PORCN: variants seen among roughly 807,000 people sequenced by gnomAD.
PORCN encodes the protein protein-serine O-palmitoleoyltransferase porcupine.
Under a neutral mutation model 43.0 loss-of-function variants are expected in PORCN, and 1 was observed. The ratio of observed to expected loss-of-function variants is 0.02; its 90% CI spans 0.01 to 0.11. The LOEUF (loss-of-function observed/expected upper bound fraction) is 0.11. PORCN is among the 10% of genes least tolerant of loss of function. The pLI is 1.00. For synonymous variants in PORCN, 148 were observed against 166.4 expected (o/e 0.89, Z 0.85); for missense variants, 240 against 392.1 (o/e 0.61, Z 3.28).
At position 48,509,919 on chromosome X, in the gene PORCN, T is replaced by G. The variant is rs150294661; in HGVS notation, c.99T>G (p.Leu33=). The G allele has an allele frequency of 3.8e-5, 46 of 1,209,944 alleles. No homozygotes were observed. The African/African-American group carries it at 7.9e-4, about 21-fold the overall frequency. The part of the protein sequence containing the change: ...QQGLDQIWLL[L]AICLACRLLW... Reference sequence around the variant, plus strand: ...GCCTTGACCAGATCTGGCTGCTCCTTGCCATCTGCCTCGCCTGCCGCCTCC... The same window carrying G: ...GCCTTGACCAGATCTGGCTGCTCCTGGCCATCTGCCTCGCCTGCCGCCTCC... The change falls in exon 2 of 15, where the codon CTT becomes CTG. Residue 33 remains leucine, a synonymous_variant. Transcript: ENST00000326194.
At position 48,520,416 on chromosome X, in the gene PORCN, C is replaced by T; in HGVS notation, c.1326C>T (p.Leu442=). The change falls in exon 15 of 15, where the codon CTC becomes CTT. Residue 442 remains leucine (L), a synonymous_variant. Coordinates refer to ENST00000326194, the MANE Select transcript of PORCN (RefSeq NM_203475.3). ...ACACTGTCCACAAGTGGTCAGAGCT[C>T]AGCTGGGCCAGTCACTGGGTCACTT... ...MAYTVHKWSE[L]SWASHWVTFG... is the part of the protein sequence containing the mutation. 1.7e-6 allele frequency: 2 copies of T among 1,210,583 alleles called. No individual in the cohort carries two copies. The highest frequency in any genetic ancestry group is 1.8e-5 in the South Asian group (1 of 56,954).
chrX:48,518,526 A>T (rs1254843045), intron 14 of PORCN, among the ~76,000 whole-genome samples: 2 of 111,698 alleles, frequency 1.8e-5, no homozygotes, highest in Non-Finnish European at 3.8e-5. Context: ...CGGCCAAAAA[A>T]ATATATATTT....
At chrX:48,510,779 A>G (rs369520620) in intron 2 of PORCN, among the ~76,000 whole-genome samples, 5 of 110,146 alleles carry the variant, frequency 4.5e-5, no homozygotes, top group African/African-American at 9.9e-5. Flanking sequence ...CTATCCATCT[A>G]TCTATCTATC....
chrX:48,510,779 A>T (rs369520620), intron 2 of PORCN, among the ~76,000 whole-genome samples: 2 of 110,098 alleles, frequency 1.8e-5, no homozygotes, highest in African/African-American at 6.6e-5. Context: ...CTATCCATCT[A>T]TCTATCTATC....
intron 14 of PORCN, among the ~76,000 whole-genome samples, chrX:48,519,146 G>A (rs1306464412): frequency 1.8e-5 from 2 of 110,852 alleles, no homozygotes; most frequent in Non-Finnish European, 3.8e-5. Flanking sequence ...ATGGTGAGAC[G>A]GGGTTTCACC....
intron 10 of PORCN, chrX:48,515,329 C>T (rs948516014): frequency 7.3e-6 from 2 of 274,022 alleles, no homozygotes; most frequent in Non-Finnish European, 1.3e-5. Flanking sequence ...GTGAGGAGGC[C>T]GCTGCCATCA....
At chrX:48,515,441 G>T (rs2061708644) in intron 10 of PORCN, 1 of 416,909 alleles carries the variant, frequency 2.4e-6, no homozygotes, top group Non-Finnish European at 4.2e-6. Context: ...GAATTTGGAT[G>T]TGGGAGTTTG....
At chrX:48,517,916 ATTT>A (rs35209138) in intron 14 of PORCN, among the ~76,000 whole-genome samples, 1 of 100,365 alleles carries the variant, frequency 1.0e-5, no homozygotes. Context: ...AGACTTCTTA[ATTT>A]TTTTTTTTTT....
rs138737401 is a variant in PORCN, at chrX:48,512,633, C to T, written c.600C>T (p.Ala200=). 4.1e-6 allele frequency: 5 copies of T among 1,209,212 alleles called. No individual in the cohort carries two copies. Among genetic ancestry groups the T allele is most frequent in the Admixed American group, 2.2e-5 (1 of 45,759 alleles). The change falls in exon 6 of 15, where the codon GCC becomes GCT. Residue 200 remains alanine (A), a synonymous_variant. Coordinates refer to ENST00000326194, the MANE Select transcript of PORCN (RefSeq NM_203475.3). ...LQKVARSLAL[A]LLCLVLSTCV... ...AGGTGGCCCGGAGCCTGGCACTGGC[C>T]CTGCTGTGCCTTGTGCTGTCCACTT...
intron 2 of PORCN, 82 bp from the exon 3 acceptor site, chrX:48,511,205 TCTCCCTCC>T (rs1205355480): frequency 8.9e-6 from 5 of 558,710 alleles, no homozygotes; most frequent in Non-Finnish European, 1.5e-5. Context: ...TCCCTCTCTC[TCTCCCTCC>T]CTCCCTCCCT....
At position 48,516,074 on chromosome X, in the gene PORCN, C is replaced by T; in HGVS notation, c.1101C>T (p.Arg367=). The part of the protein sequence containing the change: ...ITYVEHVLRK[R]LARILSACVL... ...CCACCACCCTAGTCCTCCGGAAGCG[C>T]CTGGCTCGGATCCTCAGTGCCTGTG... Residue 367 remains arginine (R), a synonymous_variant, in exon 13 of 15, where the codon CGC becomes CGT. Coordinates refer to ENST00000326194, the MANE Select transcript of PORCN (RefSeq NM_203475.3). 3.3e-6 allele frequency: 4 copies of T among 1,211,817 alleles called. No individual in the cohort carries two copies. Among genetic ancestry groups the T allele is most frequent in the Non-Finnish European group, 4.5e-6 (4 of 895,456 alleles).
rs3810677 is a variant in PORCN, at chrX:48,509,314, G to A, written c.-38+211G>A. ...CTCGCCGGGTGGGGATGAGATGGGG[G>A]GCGCGGAGGATACAGGACACCCCCC... On this transcript the variant is annotated intron_variant, in intron 1 of 14. Coordinates refer to ENST00000326194, the MANE Select transcript of PORCN (RefSeq NM_203475.3). 14 of 246,384 alleles carry A rather than the reference G, an allele frequency of 5.7e-5. No individual in the cohort carries two copies. The East Asian group carries it at 1.4e-3, about 25-fold the overall frequency. 20.3% of individuals were successfully genotyped at this position (246,384 alleles called of 1,213,427 possible).
Position 48,512,483 on chromosome X carries a change from A to G in PORCN, c.531A>G (p.Leu177=). The part of the protein sequence containing the change: ...FGPWISFHSY[L]QAVQGRPLSC... The stretch of plus-strand genomic sequence containing the variant: ...CCTGGATATCCTTCCACAGCTACCT[A>G]CAAGCTGTCCAAGGCCGCCCACTGG... Residue 177 remains leucine (L), a synonymous_variant, in exon 5 of 15, where the codon CTA becomes CTG. Coordinates refer to ENST00000326194, the MANE Select transcript of PORCN (RefSeq NM_203475.3). The G allele has an allele frequency of 8.3e-7, 1 of 1,206,767 alleles. No homozygotes were observed. The highest frequency in any genetic ancestry group is 3.0e-5 in the East Asian group (1 of 33,638).
chrX:48,513,701 TA>T (rs1569478148), intron 7 of PORCN, among the ~76,000 whole-genome samples: 1 of 112,101 alleles, frequency 8.9e-6, no homozygotes, highest in Non-Finnish European at 1.9e-5. Context: ...TTACAACTAG[TA>T]GGGGGGGTGT....
intron 10 of PORCN, among the ~76,000 whole-genome samples, chrX:48,515,061 T>G (rs987431271): frequency 1.8e-5 from 2 of 111,849 alleles, no homozygotes; most frequent in East Asian, 2.8e-4. Flanking sequence ...AGGCGGGAAC[T>G]TGCCTGGTGT....
intron 2 of PORCN, among the ~76,000 whole-genome samples, 198 bp downstream of exon 2, chrX:48,510,154 AC>A (rs1190165550): frequency 1.8e-5 from 2 of 109,932 alleles, no homozygotes; most frequent in Non-Finnish European, 3.8e-5. Context: ...TATGCCAGCC[AC>A]CCCATGCCAT....
chrX:48,511,117 G>A (rs1430665064), intron 2 of PORCN, among the ~76,000 whole-genome samples, 178 bp from the exon 3 acceptor site: 3 of 111,576 alleles, frequency 2.7e-5, no homozygotes, highest in Non-Finnish European at 5.7e-5. Flanking sequence ...CCAGCCTGAA[G>A]GCCTTTGCCC....
Position 48,509,716 on chromosome X carries a change from C to T in PORCN, c.-37-68C>T, listed in dbSNP as rs782176323. 18 of 1,163,788 alleles carry T rather than the reference C, an allele frequency of 1.5e-5. No individual in the cohort carries two copies. In the Admixed American group the frequency reaches 4.4e-4, roughly 28 times the overall value. ...CAGCCCCAAACTGAAATGTGAGTGC[C>T]AGAGTGCATCCTTTAAGCGAGGTCT... is the stretch of plus-strand genomic sequence containing the variant. On this transcript the variant is annotated intron_variant, in intron 1 of 14. Transcript: ENST00000326194.
intron 3 of PORCN, 60 bp from the exon 4 acceptor site, chrX:48,511,832 C>T (rs781878919): frequency 5.6e-6 from 6 of 1,076,693 alleles, no homozygotes; most frequent in Non-Finnish European, 7.8e-6. Context: ...CTTCCCCTGT[C>T]CCCCATGGTC....
Sources: gnomAD v4.1 joint callset for allele counts (sites outside exome capture counted in the v4.1 genomes callset) on GRCh38, gnomAD v4.1.1 for gene constraint, MANE v1.5 for transcripts, NCBI Gene and HGNC (gene_info 2026-07-23, HGNC 2026-07-21) for gene names.